The following GRM5 variants were observed in gnomAD, a reference collection of about 807,000 sequenced individuals.
GRM5 encodes the protein glutamate metabotropic receptor 5.
A neutral mutation model predicts 83.1 loss-of-function variants in GRM5; 19 were observed. That is an observed-to-expected ratio of 0.23 (90% CI 0.16 to 0.34). GRM5 has a LOEUF of 0.34. Among genes scored for constraint, GRM5 ranks in the 10% least tolerant of loss-of-function variants. GRM5 has a pLI of 1.00. For synonymous variants in GRM5, 675 were observed against 633.6 expected, an observed-to-expected ratio of 1.07 and a Z score of -0.98; for missense variants, 1,160 against 1,588.3, an observed-to-expected ratio of 0.73 and a Z score of 4.58.
At chr11:88,864,928 T>C (rs1413880567) in intron 2 of GRM5, among the ~76,000 whole-genome samples, 1 of 152,078 alleles carries the variant, frequency 6.6e-6, no homozygotes, top group East Asian at 1.9e-4. Flanking sequence ...GATAGTCATG[T>C]GGTTTTTGTC....
intron 4 of GRM5, among the ~76,000 whole-genome samples, chr11:88,626,483 A>G (rs1351673350): frequency 6.6e-6 from 1 of 152,170 alleles, no homozygotes; most frequent in Non-Finnish European, 1.5e-5. Context: ...TTTTTGGTTG[A>G]ATTCTTTCTT....
intron 3 of GRM5, among the ~76,000 whole-genome samples, chr11:88,818,218 A>T (rs1477278236): frequency 6.6e-6 from 1 of 152,146 alleles, no homozygotes; most frequent in African/African-American, 2.4e-5. Flanking sequence ...ATGAAATTTT[A>T]TATGTCTTAG....
At chr11:88,957,909 G>A (rs1232884888) in intron 2 of GRM5, among the ~76,000 whole-genome samples, 9 of 152,056 alleles carry the variant, frequency 5.9e-5, no homozygotes, top group South Asian at 2.1e-4. Flanking sequence ...TGTGCATAGT[G>A]TTCTAATTTT....
intron 7 of GRM5, among the ~76,000 whole-genome samples, chr11:88,589,958 G>T (rs1174435705): frequency 6.6e-6 from 1 of 151,972 alleles, no homozygotes; most frequent in Non-Finnish European, 1.5e-5. Context: ...ATCATATTCT[G>T]TTTATATATT....
intron 2 of GRM5, among the ~76,000 whole-genome samples, chr11:88,867,903 T>C (rs1196219107): frequency 6.6e-6 from 1 of 151,912 alleles, no homozygotes; most frequent in Admixed American, 6.6e-5. Context: ...CTAACTAATA[T>C]AGTCCTCTGC....
intron 4 of GRM5, among the ~76,000 whole-genome samples, chr11:88,631,233 G>A (rs1158831560): frequency 6.6e-6 from 1 of 152,102 alleles, no homozygotes; most frequent in Non-Finnish European, 1.5e-5. Context: ...TTATAAAACA[G>A]GTATACCGTA....
At chr11:89,014,483 T>C (rs758643384) in intron 2 of GRM5, among the ~76,000 whole-genome samples, 2 of 152,040 alleles carry the variant, frequency 1.3e-5, no homozygotes, top group Non-Finnish European at 2.9e-5. Flanking sequence ...ATTGAACTAA[T>C]GTACATAGAG....
chr11:88,517,699 G>A (rs1347444430), intron 9 of GRM5, among the ~76,000 whole-genome samples: 3 of 152,080 alleles, frequency 2.0e-5, no homozygotes, highest in Non-Finnish European at 4.4e-5. Flanking sequence ...TCCCTCTCAA[G>A]AGCATACAAG....
intron 4 of GRM5, among the ~76,000 whole-genome samples, chr11:88,643,254 T>C (rs895836543): frequency 9.3e-6 from 1 of 107,234 alleles, no homozygotes; most frequent in Non-Finnish European, 2.1e-5. Flanking sequence ...CAGAGTAGGG[T>C]AGAGGTATGG....
In GRM5 at chr11:88,853,493, T is replaced by G. The variant is rs569501267; in HGVS notation, c.662-3338A>C. On this transcript the variant is annotated intron_variant, in intron 2 of 9. Coordinates refer to ENST00000305447, the MANE Select transcript of GRM5 (RefSeq NM_001143831.3). ...TAAAATAATCAGGAGGCAGCTAATG[T>G]AGTGAGATAATTATATTAAAAGAAG... Among the ~76,000 whole-genome samples, 44 of 152,052 alleles carry G rather than the reference T, an allele frequency of 2.9e-4. No homozygotes were observed. The South Asian group carries it at 9.1e-3, about 31-fold the overall frequency.
chr11:88,685,630 T>C (rs1227610165), intron 3 of GRM5, among the ~76,000 whole-genome samples: 1 of 152,186 alleles, frequency 6.6e-6, no homozygotes, highest in Non-Finnish European at 1.5e-5. Context: ...AGTAGTTTCC[T>C]GGGCCTGGCC....
intron 3 of GRM5, among the ~76,000 whole-genome samples, chr11:88,706,438 G>T (rs1337852600): frequency 2.0e-5 from 3 of 152,004 alleles, no homozygotes; most frequent in Non-Finnish European, 4.4e-5. Flanking sequence ...TGAAATCCTT[G>T]AAGGCAGCAA....
chr11:88,939,237 A>G (rs770462985), intron 2 of GRM5, among the ~76,000 whole-genome samples: 2 of 151,698 alleles, frequency 1.3e-5, no homozygotes, highest in Non-Finnish European at 3.0e-5. Flanking sequence ...TGTTTACTCA[A>G]TTTTGTTTTG....
chr11:88,762,187 T>G (rs942679631), intron 3 of GRM5, among the ~76,000 whole-genome samples: 3 of 151,964 alleles, frequency 2.0e-5, no homozygotes, highest in African/African-American at 7.2e-5. Flanking sequence ...AACTGAGAAA[T>G]GAGATCTAAT....
At chr11:88,832,165 T>C (rs1465625265) in intron 3 of GRM5, among the ~76,000 whole-genome samples, 3 of 151,702 alleles carry the variant, frequency 2.0e-5, no homozygotes, top group East Asian at 1.9e-4. Context: ...CAAAGTGCCC[T>C]ATCCAATCAA....
At chr11:88,812,532 G>T (rs899026482) in intron 3 of GRM5, among the ~76,000 whole-genome samples, 17 of 152,198 alleles carry the variant, frequency 1.1e-4, no homozygotes, top group African/African-American at 3.4e-4. Context: ...TAATGCATTT[G>T]TTATAGAGAT....
chr11:88,532,766 G>A (rs922265143), intron 8 of GRM5, among the ~76,000 whole-genome samples: 1 of 152,126 alleles, frequency 6.6e-6, no homozygotes, highest in Non-Finnish European at 1.5e-5. Flanking sequence ...AGAGATCAAG[G>A]AAGATGGAAA....
chr11:88,607,424 C>T (rs1305279011), intron 4 of GRM5, among the ~76,000 whole-genome samples: 2 of 152,168 alleles, frequency 1.3e-5, no homozygotes, highest in African/African-American at 4.8e-5. Context: ...TATATCCTCT[C>T]CTGTCTAGAT....
intron 3 of GRM5, among the ~76,000 whole-genome samples, chr11:88,823,768 TTTC>T (rs1943844956): frequency 6.6e-6 from 1 of 152,122 alleles, no homozygotes; most frequent in Admixed American, 6.5e-5. Flanking sequence ...TTGTAAAAGT[TTTC>T]TTATTTCCAC....
Sources: allele counts gnomAD v4.1 joint callset (sites outside exome capture counted in the v4.1 genomes callset), GRCh38; gene constraint gnomAD v4.1.1; transcripts MANE v1.5; gene names NCBI Gene and HGNC (gene_info 2026-07-23, HGNC 2026-07-21).